NSUN4: variants seen among roughly 807,000 people sequenced by gnomAD.
NSUN4 encodes the protein NOP2/Sun RNA methyltransferase 4, also known as 5-cytosine rRNA methyltransferase NSUN4.
A neutral mutation model predicts 43.8 loss-of-function variants in NSUN4; 31 were observed. The observed-to-expected ratio is 0.71, with a 90% CI of 0.53 to 0.96. The LOEUF is 0.96. Ranked by LOEUF, NSUN4 falls within the 40% of genes least tolerant of loss-of-function variation. The pLI is 0.00. For synonymous variants in NSUN4, 167 were observed against 184.1 expected (o/e 0.91, Z 0.75); for missense variants, 439 against 475.6 (o/e 0.92, Z 0.72).
the NSUN4 span, among the ~76,000 whole-genome samples, chr1:46,380,683 C>T: frequency 6.6e-6 from 1 of 152,150 alleles, no homozygotes; most frequent in Non-Finnish European, 1.5e-5. Context: ...CCCCATTTTA[C>T]AGATAAGGAA....
intron 4 of NSUN4, among the ~76,000 whole-genome samples, chr1:46,356,712 G>T (rs1202653148): frequency 1.3e-5 from 2 of 151,588 alleles, no homozygotes; most frequent in Non-Finnish European, 2.9e-5. Flanking sequence ...AGAAGAAGAA[G>T]AAGAAGAATA....
the NSUN4 span, among the ~76,000 whole-genome samples, chr1:46,382,273 C>T: frequency 6.6e-6 from 1 of 152,224 alleles, no homozygotes; most frequent in African/African-American, 2.4e-5. Flanking sequence ...AAGCACTTAC[C>T]TGTGCCCCAT....
chr1:46,345,543 A>ATG (rs10661193), intron 2 of NSUN4, among the ~76,000 whole-genome samples: 34,071 of 152,062 alleles, frequency 0.22, 4,270 homozygotes, highest in Non-Finnish European at 0.29. Flanking sequence ...TCAAGTTGAA[A>ATG]TGTGTTATTC....
rs1464425578 is a variant in NSUN4 at position 46,363,513 on chromosome 1, C to G, written c.*1667C>G. 1 of 152,134 alleles carries G rather than the reference C, an allele frequency of 6.6e-6. No homozygotes were observed. Among genetic ancestry groups the G allele is most frequent in the Non-Finnish European group, 1.5e-5 (1 of 68,024 alleles). 9.4% of individuals were successfully genotyped at this position (152,134 alleles called of 1,614,324 possible). ...ATCATCTAATTGGGGACAGGCAGAC[C>G]TAGATAAGAAAAGCAGAGAACTACT... On this transcript the variant is annotated 3_prime_UTR_variant, in exon 6 of 6. Transcript: ENST00000474844.
chr1:46,371,135 ATT>A, the NSUN4 span, among the ~76,000 whole-genome samples: 90 of 131,064 alleles, frequency 6.9e-4, 1 homozygote, highest in Middle Eastern at 4.0e-3. Context: ...TGCCACCTTG[ATT>A]TTTTTTTTTT....
At chr1:46,384,133 G>A in the NSUN4 span, among the ~76,000 whole-genome samples, 12 of 152,204 alleles carry the variant, frequency 7.9e-5, no homozygotes, top group Admixed American at 7.2e-4. Flanking sequence ...GAATGAGTCA[G>A]GGTGGAGTAG....
rs1438963137 is a variant in NSUN4, at chr1:46,360,762, A to T, written c.812A>T (p.Asn271Ile). Residue 271 changes from asparagine to isoleucine, a missense_variant, in exon 5 of 6, where the codon AAC (asparagine) becomes ATC (isoleucine). Coordinates refer to ENST00000474844, the MANE Select transcript of NSUN4 (RefSeq NM_199044.4). ...CACTCCCTTCATGAGGAGGAGAACA[A>T]CATCTTTAAGCGGTCAAGGAAGAAG... ...DRHSLHEEEN[N>I]IFKRSRKKER... The T allele has an allele frequency of 6.2e-7, 1 of 1,613,944 alleles. No homozygotes were observed. The highest frequency in any genetic ancestry group is 8.5e-7 in the Non-Finnish European group (1 of 1,179,932).
rs539904962 is a variant in NSUN4, at chr1:46,353,437, G to A, written c.753+409G>A. Reference sequence around the variant, plus strand: ...ATGAAAAGTGAGTTTTTCTCATCTGGCCTGTAGCCCCCTACTTCCCCACCC... The same window carrying A: ...ATGAAAAGTGAGTTTTTCTCATCTGACCTGTAGCCCCCTACTTCCCCACCC... On this transcript the variant is annotated intron_variant, in intron 4 of 5. Coordinates refer to ENST00000474844, the MANE Select transcript of NSUN4 (RefSeq NM_199044.4). Among the ~76,000 whole-genome samples the A allele has an allele frequency of 1.1e-4, 16 of 151,854 alleles. No individual in the cohort carries two copies. In the East Asian group the frequency reaches 3.1e-3, roughly 29 times the overall value.
intron 3 of NSUN4, among the ~76,000 whole-genome samples, chr1:46,351,400 C>T (rs1662967982): frequency 6.6e-6 from 1 of 152,112 alleles, no homozygotes; most frequent in African/African-American, 2.4e-5. Context: ...CAATTTTCCC[C>T]TTCCAAAAAA....
intron 4 of NSUN4, among the ~76,000 whole-genome samples, chr1:46,356,464 G>A (rs567799105): frequency 2.6e-4 from 39 of 152,266 alleles, no homozygotes; most frequent in Admixed American, 1.2e-3. Flanking sequence ...AGGCCAAGGC[G>A]GGCGGATCAC....
At chr1:46,359,241 C>G (rs1243355590) in intron 4 of NSUN4, among the ~76,000 whole-genome samples, 4 of 152,082 alleles carry the variant, frequency 2.6e-5, no homozygotes, top group African/African-American at 9.7e-5. Flanking sequence ...GCCTGGGTGA[C>G]AGAGCCAGAC....
chr1:46,379,135 G>A, the NSUN4 span, among the ~76,000 whole-genome samples: 1 of 152,178 alleles, frequency 6.6e-6, no homozygotes, highest in Admixed American at 6.5e-5. Context: ...CTTAGCAGAG[G>A]AGACAAACTC....
chr1:46,372,210 G>A, the NSUN4 span, among the ~76,000 whole-genome samples: 5 of 148,352 alleles, frequency 3.4e-5, no homozygotes, highest in Non-Finnish European at 4.5e-5. Context: ...GCGCGATCTC[G>A]GCTCACTGTA....
chr1:46,371,424 G>T, the NSUN4 span, among the ~76,000 whole-genome samples: 1 of 151,706 alleles, frequency 6.6e-6, no homozygotes, highest in Admixed American at 6.6e-5. Context: ...TCCTGCCTCA[G>T]CCTCCCGAGT....
the NSUN4 span, among the ~76,000 whole-genome samples, chr1:46,382,723 T>C: frequency 6.6e-6 from 1 of 151,966 alleles, no homozygotes; most frequent in Non-Finnish European, 1.5e-5. Context: ...TGCCTTAGCC[T>C]CCCAAGTAGC....
chr1:46,355,241 C>T (rs1241741794), intron 4 of NSUN4, among the ~76,000 whole-genome samples: 2 of 152,212 alleles, frequency 1.3e-5, no homozygotes, highest in East Asian at 3.8e-4. Flanking sequence ...TATCATTATT[C>T]AGCCTATGCT....
intron 1 of NSUN4, 66 bp downstream of exon 1, chr1:46,340,985 C>A: frequency 7.0e-7 from 1 of 1,431,064 alleles, no homozygotes; most frequent in Non-Finnish European, 9.6e-7. Context: ...CTTTCCGTTT[C>A]CCGGCCCTCT....
At chr1:46,371,109 A>T in the NSUN4 span, among the ~76,000 whole-genome samples, 2 of 151,472 alleles carry the variant, frequency 1.3e-5, no homozygotes, top group African/African-American at 4.8e-5. Context: ...TCTGTCCTTA[A>T]CCACCAGCAT....
rs1195708204 is a variant in NSUN4, at chr1:46,345,034, G to T, written c.327G>T (p.Gln109His). ...VNEAISHWEL[Q>H]SEGGQSAAPS... is the part of the protein sequence containing the mutation. The stretch of plus-strand genomic sequence containing the variant: ...AAGCCATCTCCCACTGGGAACTGCA[G>T]TCTGAGGGTGGCCAATCTGCAGCCC... Residue 109 changes from glutamine to histidine, a missense_variant, in exon 2 of 6, where the codon CAG (glutamine) becomes CAT (histidine). Transcript: ENST00000474844. 5.0e-6 allele frequency: 8 copies of T among 1,614,076 alleles called. No individual in the cohort carries two copies. Among genetic ancestry groups the T allele is most frequent in the Non-Finnish European group, 6.8e-6 (8 of 1,180,032 alleles).
Sources: allele counts gnomAD v4.1 joint callset (sites outside exome capture counted in the v4.1 genomes callset), GRCh38; gene constraint gnomAD v4.1.1; transcripts MANE v1.5; gene names NCBI Gene and HGNC (gene_info 2026-07-23, HGNC 2026-07-21).